Variants in CSMD1 observed in about 807,000 individuals in gnomAD.
The protein encoded by CSMD1 is CUB and Sushi multiple domains 1.
CSMD1 carries 213 observed loss-of-function variants against 417.5 expected under a neutral mutation model. The ratio of observed to expected loss-of-function variants is 0.51; its 90% CI spans 0.46 to 0.57. CSMD1 has a LOEUF of 0.57. Among genes scored for constraint, CSMD1 ranks in the 20% least tolerant of loss-of-function variants. CSMD1 has a pLI of 0.00. For synonymous variants in CSMD1, 2,862 were observed against 1,736.8 expected, an observed-to-expected ratio of 1.65 and a Z score of -16.11; for missense variants, 6,923 against 4,529.7, an observed-to-expected ratio of 1.53 and a Z score of -15.17.
At chr8:4,468,327 G>GC (rs143896734) in intron 2 of CSMD1, among the ~76,000 whole-genome samples, 24,834 of 152,076 alleles carry the variant, frequency 0.16, 2,511 homozygotes, top group South Asian at 0.29. Context: ...TGGGCGATAG[G>GC]CCTTTTTAAA....
intron 41 of CSMD1, among the ~76,000 whole-genome samples, chr8:3,133,482 G>C (rs983131392): frequency 3.9e-5 from 6 of 152,300 alleles, no homozygotes; most frequent in African/African-American, 1.4e-4. Flanking sequence ...GCGCCCCTGG[G>C]AGCAGAAGGC....
At chr8:4,680,091 T>A (rs1383040234) in intron 1 of CSMD1, among the ~76,000 whole-genome samples, 1 of 152,192 alleles carries the variant, frequency 6.6e-6, no homozygotes, top group Non-Finnish European at 1.5e-5. Context: ...TAAATATATT[T>A]CACAAATCAT....
chr8:3,374,087 G>C (rs1046273380), intron 18 of CSMD1, among the ~76,000 whole-genome samples: 2 of 151,740 alleles, frequency 1.3e-5, no homozygotes, highest in Non-Finnish European at 2.9e-5. Context: ...TCAATAGCTG[G>C]GATTACACAC....
At chr8:3,236,140 G>A (rs745382688) in intron 26 of CSMD1, among the ~76,000 whole-genome samples, 2 of 151,750 alleles carry the variant, frequency 1.3e-5, no homozygotes, top group Non-Finnish European at 2.9e-5. Context: ...GGAGAGTCTC[G>A]ATCTCTTAAC....
At chr8:3,964,261 TG>T (rs1368369044) in intron 5 of CSMD1, among the ~76,000 whole-genome samples, 1 of 152,236 alleles carries the variant, frequency 6.6e-6, no homozygotes, top group African/African-American at 2.4e-5. Context: ...ATCCCTCCTT[TG>T]GGGCTTAGAG....
intron 10 of CSMD1, among the ~76,000 whole-genome samples, chr8:3,508,392 G>T (rs1015994625): frequency 4.0e-5 from 6 of 151,740 alleles, no homozygotes; most frequent in African/African-American, 1.2e-4. Flanking sequence ...AGCATTAGGA[G>T]ATATACCTAA....
At chr8:3,038,651 G>C (rs1471743589) in intron 50 of CSMD1, among the ~76,000 whole-genome samples, 3 of 152,008 alleles carry the variant, frequency 2.0e-5, no homozygotes, top group Non-Finnish European at 2.9e-5. Context: ...CTGGGTATTA[G>C]ACAATTCCTC....
intron 10 of CSMD1, among the ~76,000 whole-genome samples, chr8:3,510,275 G>A (rs1468397729): frequency 6.6e-6 from 1 of 151,830 alleles, no homozygotes; most frequent in Non-Finnish European, 1.5e-5. Flanking sequence ...TGCAGCCCAG[G>A]CTTCTCACTC....
At position 3,170,267 on chromosome 8, in the gene CSMD1, G is replaced by C. The variant is rs1372162659; in HGVS notation, c.5726-7990C>G. On this transcript the variant is annotated intron_variant, in intron 37 of 69. Transcript: ENST00000635120. ...CTGTGGCCCAGGCTGGAGTGCAGTGGTGTGATCTTGGCTCACTGCAAGCTC... is the reference window on the plus strand; with the variant it reads ...CTGTGGCCCAGGCTGGAGTGCAGTGCTGTGATCTTGGCTCACTGCAAGCTC... 2.0e-5 allele frequency among the ~76,000 whole-genome samples: 3 copies of C among 152,176 alleles called. No individual in the cohort carries two copies. The East Asian group carries it at 5.8e-4, about 29-fold the overall frequency.
chr8:4,307,041 G>C (rs73502698), intron 3 of CSMD1, among the ~76,000 whole-genome samples: 1 of 151,888 alleles, frequency 6.6e-6, no homozygotes, highest in African/African-American at 2.4e-5. Context: ...GTCCACTGTG[G>C]GGTTTATGGT....
intron 3 of CSMD1, among the ~76,000 whole-genome samples, chr8:4,087,239 C>A (rs187721647): frequency 6.6e-6 from 1 of 152,160 alleles, no homozygotes; most frequent in Non-Finnish European, 1.5e-5. Flanking sequence ...CGGCTAAGTC[C>A]ACCATGGCCA....
At chr8:3,890,374 T>C (rs972452958) in intron 5 of CSMD1, among the ~76,000 whole-genome samples, 1 of 152,086 alleles carries the variant, frequency 6.6e-6, no homozygotes, top group African/African-American at 2.4e-5. Context: ...GTAGGTATTT[T>C]AATAGACTGT....
intron 5 of CSMD1, among the ~76,000 whole-genome samples, chr8:3,818,581 C>A (rs538840738): frequency 6.6e-6 from 1 of 151,960 alleles, no homozygotes; most frequent in Non-Finnish European, 1.5e-5. Context: ...GAAGGAGGTG[C>A]AAGAATGAGA....
chr8:4,990,896 T>G (rs918244943), intron 1 of CSMD1, among the ~76,000 whole-genome samples: 3 of 152,132 alleles, frequency 2.0e-5, no homozygotes, highest in African/African-American at 7.2e-5. Flanking sequence ...GTTACAGGGT[T>G]TCTCTGGAAA....
At chr8:2,968,622 G>T (rs1381438860) in intron 57 of CSMD1, among the ~76,000 whole-genome samples, 2 of 151,948 alleles carry the variant, frequency 1.3e-5, no homozygotes, top group Non-Finnish European at 2.9e-5. Context: ...TTCACTCACG[G>T]TTATAACTAT....
intron 26 of CSMD1, among the ~76,000 whole-genome samples, chr8:3,234,969 T>A (rs915715770): frequency 1.3e-5 from 2 of 152,238 alleles, no homozygotes; most frequent in East Asian, 3.8e-4. Context: ...ACATGCACAA[T>A]CTTGTTCATC....
chr8:4,722,652 C>A (rs1470460463), intron 1 of CSMD1, among the ~76,000 whole-genome samples: 1 of 152,044 alleles, frequency 6.6e-6, no homozygotes, highest in Non-Finnish European at 1.5e-5. Context: ...CTCAGCATCT[C>A]ATTACTATCC....
intron 26 of CSMD1, among the ~76,000 whole-genome samples, chr8:3,252,745 T>G (rs190892015): frequency 1.3e-3 from 192 of 152,346 alleles, no homozygotes; most frequent in African/African-American, 4.5e-3. Context: ...TCAGAGCCTG[T>G]TATTCGTCTC....
intron 5 of CSMD1, among the ~76,000 whole-genome samples, chr8:3,814,027 A>G (rs2954201): frequency 0.18 from 26,771 of 152,172 alleles, 3,706 homozygotes; most frequent in African/African-American, 0.37. Context: ...CAGATTAAAA[A>G]CTGTCTTTAA....
Sources: gnomAD v4.1 joint callset for allele counts (sites outside exome capture counted in the v4.1 genomes callset) on GRCh38, gnomAD v4.1.1 for gene constraint, MANE v1.5 for transcripts, NCBI Gene and HGNC (gene_info 2026-07-23, HGNC 2026-07-21) for gene names.